ZNF469: variants seen among roughly 807,000 people sequenced by gnomAD.
ZNF469 encodes the protein zinc finger protein 469.
In ZNF469, 1 loss-of-function variant was observed where a neutral mutation model predicts 1.0. The ratio of observed to expected loss-of-function variants is 1.00; its 90% CI spans 0.35 to 4.73. ZNF469 has a LOEUF of 4.73. ZNF469 is among the 30% of genes most tolerant of loss of function. The pLI is 0.16. For synonymous variants in ZNF469, 2,703 were observed against 2,363.4 expected (o/e 1.14, Z -4.17); for missense variants, 6,100 against 5,356.3 (o/e 1.14, Z -4.33).
At chr16:88,314,722 T>C in the ZNF469 span, among the ~76,000 whole-genome samples, 1 of 148,918 alleles carries the variant, frequency 6.7e-6, no homozygotes, top group African/African-American at 2.5e-5. Flanking sequence ...ATGATGATGC[T>C]GGTGTGGACT....
At chr16:88,360,837 G>A in the ZNF469 span, among the ~76,000 whole-genome samples, 1,423 of 151,948 alleles carry the variant, frequency 9.4e-3, 27 homozygotes, top group African/African-American at 0.031. Context: ...ACCCCTGCCC[G>A]ACACCCCCTG....
At position 88,438,979 on chromosome 16, in the gene ZNF469, G is replaced by GC; in HGVS notation, c.11514dup (p.Ser3839LeufsTer4). ...TGAAAGTGTGGGGAGCTTCGGGAGA[G>GC]CCCCCTCAGCCCCTGACAAGCCCCC... is the stretch of plus-strand genomic sequence containing the variant. On this transcript the variant is annotated frameshift_variant, in exon 3 of 3. Transcript: ENST00000565624. LOFTEE classifies it low-confidence loss of function (END_TRUNC). 1 of 1,550,384 alleles carries GC rather than the reference G, an allele frequency of 6.5e-7. No individual in the cohort carries two copies. Among genetic ancestry groups the GC allele is most frequent in the East Asian group, 2.4e-5 (1 of 40,904 alleles).
At chr16:88,223,999 G>A in the ZNF469 span, among the ~76,000 whole-genome samples, 2 of 152,194 alleles carry the variant, frequency 1.3e-5, no homozygotes, top group African/African-American at 4.8e-5. Context: ...CATTCGCCCA[G>A]TCATTTCTAA....
the ZNF469 span, among the ~76,000 whole-genome samples, chr16:88,111,637 T>C: frequency 6.6e-6 from 1 of 152,076 alleles, no homozygotes; most frequent in African/African-American, 2.4e-5. Context: ...TTTTTGTTTG[T>C]TTTGTTTGTT....
At chr16:88,368,675 A>C in the ZNF469 span, among the ~76,000 whole-genome samples, 1 of 151,692 alleles carries the variant, frequency 6.6e-6, no homozygotes, top group Non-Finnish European at 1.5e-5. Flanking sequence ...CTGGGAGACC[A>C]TGGCCCTGGG....
At chr16:88,418,944 G>C (rs1054757149) in intron 1 of ZNF469, among the ~76,000 whole-genome samples, 1 of 152,304 alleles carries the variant, frequency 6.6e-6, no homozygotes, top group African/African-American at 2.4e-5. Flanking sequence ...GGAGGCCCCT[G>C]TGCTTTTCTC....
rs1406688175 is a variant in ZNF469, at chr16:88,437,174, C to T, written c.9704C>T (p.Ala3235Val). Residue 3235 changes from alanine to valine, a missense_variant, in exon 3 of 3, where the codon GCG (alanine) becomes GTG (valine). Transcript: ENST00000565624. ...AHLLNSITEP[A>V]PKHHRGKRSA... is the part of the protein sequence containing the mutation. ...CTTCTGAACAGCATCACGGAACCCG[C>T]GCCCAAACACCACAGGGGCAAGCGC... The T allele has an allele frequency of 9.0e-6, 14 of 1,549,478 alleles. No individual in the cohort carries two copies. The South Asian group carries it at 1.4e-4, about 16-fold the overall frequency.
chr16:88,409,923 T>G (rs1905105122), intron 1 of ZNF469, among the ~76,000 whole-genome samples: 3 of 146,586 alleles, frequency 2.0e-5, no homozygotes, highest in African/African-American at 5.3e-5. Context: ...GCGGGCCTGG[T>G]GCAGGTCTTC....
At chr16:88,203,050 G>A in the ZNF469 span, among the ~76,000 whole-genome samples, 1 of 152,188 alleles carries the variant, frequency 6.6e-6, no homozygotes, top group African/African-American at 2.4e-5. Flanking sequence ...CGGAGCGGGG[G>A]CGGGGGCCGT....
At chr16:88,380,980 A>G (rs1199272383), upstream of ZNF469, among the ~76,000 whole-genome samples, 1 of 136,160 alleles carries the variant, frequency 7.3e-6, no homozygotes, top group Non-Finnish European at 1.5e-5. Context: ...ACTCACACAT[A>G]TGCACTCACA....
intron 1 of ZNF469, among the ~76,000 whole-genome samples, chr16:88,417,077 C>G (rs1324269706): frequency 6.6e-6 from 1 of 152,234 alleles, no homozygotes; most frequent in Non-Finnish European, 1.5e-5. Flanking sequence ...ACCGCCTGCC[C>G]TTTTCCAGAG....
At chr16:88,386,186 G>C (rs930698610) in intron 1 of ZNF469, among the ~76,000 whole-genome samples, 3 of 152,056 alleles carry the variant, frequency 2.0e-5, no homozygotes, top group Non-Finnish European at 2.9e-5. Flanking sequence ...GTTCATTCTA[G>C]ACCTGCAGGG....
Position 88,434,615 on chromosome 16 carries a change from C to A in ZNF469, c.7145C>A (p.Thr2382Asn). 1 of 1,550,300 alleles carries A rather than the reference C, an allele frequency of 6.5e-7. No homozygotes were observed. The highest frequency in any genetic ancestry group is 8.7e-7 in the Non-Finnish European group (1 of 1,146,926). The change falls in exon 3 of 3, where the codon ACC becomes AAC. Residue 2382 changes from threonine (T) to asparagine (N), a missense_variant. By Grantham distance (65) the Thr-to-Asn change is moderately conservative (BLOSUM62 0). Coordinates refer to ENST00000565624, the MANE Select transcript of ZNF469 (RefSeq NM_001367624.2). ...AGCAAGGAGCCGGAGGACCCAGGGA[C>A]CCCTGAGACCGGGCGCTCTGGTGCT... Reference protein sequence around the residue: ...TSSKEPEDPGTPETGRSGATK... With the variant: ...TSSKEPEDPGNPETGRSGATK...
At chr16:88,188,642 C>A in the ZNF469 span, among the ~76,000 whole-genome samples, 1 of 152,196 alleles carries the variant, frequency 6.6e-6, no homozygotes, top group Non-Finnish European at 1.5e-5. Context: ...TGCCCCAGAA[C>A]TTGCGTATCA....
At chr16:88,275,006 C>T in the ZNF469 span, among the ~76,000 whole-genome samples, 2 of 152,202 alleles carry the variant, frequency 1.3e-5, no homozygotes, top group South Asian at 2.1e-4. Flanking sequence ...GCAAAGTTGC[C>T]TTAAAGACAG....
chr16:88,339,172 T>G, the ZNF469 span, among the ~76,000 whole-genome samples: 47 of 57,858 alleles, frequency 8.1e-4, no homozygotes, highest in African/African-American at 1.2e-3. Context: ...GCGGGGGACA[T>G]GGGGACAGGG....
the ZNF469 span, among the ~76,000 whole-genome samples, chr16:88,187,458 C>T: frequency 1.3e-5 from 2 of 152,212 alleles, no homozygotes; most frequent in African/African-American, 4.8e-5. Context: ...TCTCACAGGC[C>T]CTCTGTAATC....
the ZNF469 span, among the ~76,000 whole-genome samples, chr16:88,377,880 G>A: frequency 7.7e-6 from 1 of 130,100 alleles, no homozygotes; most frequent in South Asian, 2.4e-4. Context: ...TGTTGTTGTT[G>A]TTTGATGCCA....
the ZNF469 span, among the ~76,000 whole-genome samples, chr16:88,291,293 G>A: frequency 6.6e-6 from 1 of 152,176 alleles, no homozygotes; most frequent in Non-Finnish European, 1.5e-5. Context: ...CCAGGGGCTC[G>A]GCTGCTGCAC....
Sources: allele counts gnomAD v4.1 joint callset (sites outside exome capture counted in the v4.1 genomes callset), GRCh38; gene constraint gnomAD v4.1.1; transcripts MANE v1.5; gene names NCBI Gene and HGNC (gene_info 2026-07-23, HGNC 2026-07-21).